The following PCDHA2 variants were observed in gnomAD, a reference collection of about 807,000 sequenced individuals.
PCDHA2 encodes the protein protocadherin alpha 2.
A neutral mutation model predicts 66.0 loss-of-function variants in PCDHA2; 58 were observed. The observed-to-expected ratio is 0.88, with a 90% confidence interval of 0.71 to 1.09. The LOEUF (loss-of-function observed/expected upper bound fraction) is 1.09. Among genes scored for constraint, PCDHA2 ranks in the 50% least tolerant of loss-of-function variants. PCDHA2 has a pLI of 0.00. For missense variants in PCDHA2, 1,267 were observed against 1,242.3 expected (o/e 1.02, Z -0.30); for synonymous variants, 634 against 554.0 (o/e 1.14, Z -2.03).
chr5:140,861,489 T>A, intron 1 of PCDHA2: 1 of 487,812 alleles, frequency 2.0e-6, no homozygotes, highest in South Asian at 1.6e-5. Context: ...TTTTGTGAGT[T>A]CTCTGATAGA....
At chr5:141,009,494 A>T in intron 3 of PCDHA2, 133 bp from the exon 4 acceptor site, 1 of 1,488,918 alleles carries the variant, frequency 6.7e-7, no homozygotes, top group South Asian at 1.4e-5. Flanking sequence ...TTGCCCTCAG[A>T]CTTGAACAAA....
At chr5:140,856,553 T>TAC (rs1455018619) in intron 1 of PCDHA2, 2 of 1,598,066 alleles carry the variant, frequency 1.3e-6, no homozygotes, top group African/African-American at 2.7e-5. Flanking sequence ...ATTGCTTACT[T>TAC]ACAAACTCAG....
At chr5:140,865,776 T>C (rs1179893870) in intron 1 of PCDHA2, 1 of 152,204 alleles carries the variant, frequency 6.6e-6, no homozygotes, top group African/African-American at 2.4e-5. Flanking sequence ...ATTATTCAAA[T>C]GTGTATCTTT....
At position 140,877,189 on chromosome 5, in the gene PCDHA2, G is replaced by C. The variant is rs370743077; in HGVS notation, c.2388+79837G>C. ...ACTGCTGGCGACTCCGGCTGGCAGC[G>C]CAGGAGGCGCAGTTAGCGAGTTGGT... On this transcript the variant is annotated intron_variant, in intron 1 of 3. Coordinates refer to ENST00000526136, the MANE Select transcript of PCDHA2 (RefSeq NM_018905.3). The C allele has an allele frequency of 5.1e-5, 82 of 1,613,690 alleles. No homozygotes were observed. Among genetic ancestry groups the C allele is most frequent in the Non-Finnish European group, 6.4e-5 (75 of 1,179,826 alleles).
chr5:140,856,174 C>T, intron 1 of PCDHA2: 1 of 1,598,296 alleles, frequency 6.3e-7, no homozygotes, highest in Non-Finnish European at 8.6e-7. Flanking sequence ...GACACGGCAC[C>T]TTCGTGGGCC....
At chr5:140,803,899 A>G in intron 1 of PCDHA2, 1 of 526,416 alleles carries the variant, frequency 1.9e-6, no homozygotes, top group African/African-American at 1.9e-5. Context: ...TGCATTATTT[A>G]GAGAATCTGA....
At chr5:140,899,382 TGA>T (rs2067295037) in intron 1 of PCDHA2, among the ~76,000 whole-genome samples, 1 of 152,198 alleles carries the variant, frequency 6.6e-6, no homozygotes, top group Non-Finnish European at 1.5e-5. Context: ...CCTAATTTAT[TGA>T]GAGTTTTTAG....
chr5:140,871,027 C>T (rs1554164992), intron 1 of PCDHA2: 1 of 1,613,114 alleles, frequency 6.2e-7, no homozygotes, highest in African/African-American at 1.3e-5. Context: ...GGCAGACTCG[C>T]CGCGCCACCG....
At position 140,903,816 on chromosome 5, in the gene PCDHA2, C is replaced by T. The variant is rs963125816; in HGVS notation, c.2389-75133C>T. On this transcript the variant is annotated intron_variant, in intron 1 of 3. Coordinates refer to ENST00000526136, the MANE Select transcript of PCDHA2 (RefSeq NM_018905.3). ...TTGTAATTGACAAGTATAGTTCTCACATGAATGTCTGTTGGTATTTTCATT... is the reference window on the plus strand; with the variant it reads ...TTGTAATTGACAAGTATAGTTCTCATATGAATGTCTGTTGGTATTTTCATT... Among the ~76,000 whole-genome samples, 7 of 152,190 alleles carry T rather than the reference C, an allele frequency of 4.6e-5. 1 individual carries two copies. The highest frequency in any genetic ancestry group is 2.6e-4 in the Admixed American group (4 of 15,282).
intron 1 of PCDHA2, chr5:140,841,757 A>G (rs144800443): frequency 7.4e-6 from 12 of 1,613,818 alleles, no homozygotes; most frequent in African/African-American, 1.3e-5. Context: ...TTCAGAATCC[A>G]GAATGCCAGA....
chr5:140,888,275 G>A (rs974764035), intron 1 of PCDHA2, among the ~76,000 whole-genome samples: 1 of 152,056 alleles, frequency 6.6e-6, no homozygotes, highest in African/African-American at 2.4e-5. Context: ...AAACAGTTTT[G>A]TCCCCTCTAC....
At chr5:140,809,053 C>T (rs1307759029) in intron 1 of PCDHA2, 4 of 1,613,756 alleles carry the variant, frequency 2.5e-6, no homozygotes, top group African/African-American at 2.7e-5. Context: ...GCATCCCGTT[C>T]CGCGTGGGGC....
intron 1 of PCDHA2, among the ~76,000 whole-genome samples, chr5:140,932,619 A>T (rs535899807): frequency 5.3e-5 from 8 of 152,056 alleles, no homozygotes; most frequent in African/African-American, 1.9e-4. Context: ...TGAAGCTGAT[A>T]ACCACACTAA....
At chr5:140,900,700 T>C (rs557185787) in intron 1 of PCDHA2, among the ~76,000 whole-genome samples, 1 of 152,352 alleles carries the variant, frequency 6.6e-6, no homozygotes, top group South Asian at 2.1e-4. Context: ...ATTTCCGTTC[T>C]TTTGGAAAGA....
intron 1 of PCDHA2, among the ~76,000 whole-genome samples, chr5:140,880,418 G>T (rs1554171267): frequency 6.6e-6 from 1 of 152,090 alleles, no homozygotes; most frequent in Non-Finnish European, 1.5e-5. Flanking sequence ...CTTAAAAGCG[G>T]GAACAGTTTT....
At chr5:140,941,666 C>G (rs1029878263) in intron 1 of PCDHA2, among the ~76,000 whole-genome samples, 4 of 152,004 alleles carry the variant, frequency 2.6e-5, no homozygotes, top group Non-Finnish European at 4.4e-5. Context: ...AATTTTATGT[C>G]AAGTTCAATA....
At chr5:140,945,158 G>C in intron 1 of PCDHA2, among the ~76,000 whole-genome samples, 1 of 151,932 alleles carries the variant, frequency 6.6e-6, no homozygotes, top group Non-Finnish European at 1.5e-5. Flanking sequence ...ATACACTATT[G>C]AACTATCTGA....
intron 1 of PCDHA2, among the ~76,000 whole-genome samples, chr5:140,946,634 A>ATAT (rs1554217761): frequency 1.4e-5 from 2 of 147,350 alleles, no homozygotes; most frequent in Non-Finnish European, 3.0e-5. Context: ...ATATATATAC[A>ATAT]ATGGAATACT....
intron 1 of PCDHA2, among the ~76,000 whole-genome samples, chr5:140,959,643 G>A (rs246006): frequency 0.56 from 85,684 of 152,026 alleles, 24,754 homozygotes; most frequent in African/African-American, 0.69. Flanking sequence ...AAAAAACACA[G>A]AAGCAAAATT....
Sources: allele counts gnomAD v4.1 joint callset (sites outside exome capture counted in the v4.1 genomes callset), GRCh38; gene constraint gnomAD v4.1.1; transcripts MANE v1.5; gene names NCBI Gene and HGNC (gene_info 2026-07-23, HGNC 2026-07-21).